Variants in KCNB2 observed in about 807,000 individuals in gnomAD.
KCNB2 encodes the protein potassium voltage-gated channel subfamily B member 2.
Under a neutral mutation model 61.5 loss-of-function variants are expected in KCNB2, and 15 were observed. That is an observed-to-expected ratio of 0.24 (90% CI 0.16 to 0.38). KCNB2 has a LOEUF of 0.38. Ranked by LOEUF, KCNB2 falls within the 10% of genes least tolerant of loss-of-function variation. The probability of loss-of-function intolerance (pLI) is 1.00; values close to 1 mark genes in which losing one functional copy is unlikely to be tolerated. For missense variants in KCNB2, 828 were observed against 1,125.2 expected, an observed-to-expected ratio of 0.74 and a Z score of 3.78; for synonymous variants, 457 against 446.0, an observed-to-expected ratio of 1.02 and a Z score of -0.31.
At chr8:72,753,396 C>T (rs1356260865) in intron 2 of KCNB2, among the ~76,000 whole-genome samples, 3 of 152,092 alleles carry the variant, frequency 2.0e-5, no homozygotes, top group Non-Finnish European at 4.4e-5. Context: ...TTATGCCTGG[C>T]AATATAGTAG....
chr8:72,859,537 CA>C (rs1352280507), intron 2 of KCNB2, among the ~76,000 whole-genome samples: 1 of 151,700 alleles, frequency 6.6e-6, no homozygotes, highest in Non-Finnish European at 1.5e-5. Context: ...TACACTTTCC[CA>C]ACCCTAAGCA....
Position 72,872,168 on chromosome 8 carries a change from G to A in KCNB2, c.580-63767G>A, listed in dbSNP as rs546242937. 1.2e-4 allele frequency among the ~76,000 whole-genome samples: 19 copies of A among 152,280 alleles called. No individual in the cohort carries two copies. In the East Asian group the frequency reaches 3.7e-3, roughly 29 times the overall value. On this transcript the variant is annotated intron_variant, in intron 2 of 2. Coordinates refer to ENST00000523207, the MANE Select transcript of KCNB2 (RefSeq NM_004770.3). ...GACCATTTGCTTGTTAAAATAGAGAGTGACTTTGGAGAATAAGCATGTGGT... is the reference window on the plus strand; with the variant it reads ...GACCATTTGCTTGTTAAAATAGAGAATGACTTTGGAGAATAAGCATGTGGT...
chr8:72,551,859 A>T (rs1039038941), intron 1 of KCNB2, among the ~76,000 whole-genome samples: 3 of 152,200 alleles, frequency 2.0e-5, no homozygotes, highest in Admixed American at 1.3e-4. Context: ...AACTCCATGC[A>T]CATAGCAGAT....
chr8:72,570,825 T>G (rs967118330), intron 2 of KCNB2, among the ~76,000 whole-genome samples: 2 of 152,208 alleles, frequency 1.3e-5, no homozygotes, highest in African/African-American at 4.8e-5. Context: ...TAAAGCAGAA[T>G]ATCTGTGGAC....
chr8:72,775,669 C>T lies in KCNB2; in HGVS notation c.580-160266C>T, dbSNP rs141797636. ...AGCACTTTGCCTCCTGACCCTCCCC[C>T]CTTCCAGCCTTCTATTATAAACAGG... is the stretch of plus-strand genomic sequence containing the variant. On this transcript the variant is annotated intron_variant, in intron 2 of 2. Transcript: ENST00000523207. Among the ~76,000 whole-genome samples, 11 of 152,158 alleles carry T rather than the reference C, an allele frequency of 7.2e-5. No homozygotes were observed. In the East Asian group the frequency reaches 1.5e-3, roughly 21 times the overall value.
At chr8:72,918,000 T>C (rs1806435702) in intron 2 of KCNB2, among the ~76,000 whole-genome samples, 1 of 152,152 alleles carries the variant, frequency 6.6e-6, no homozygotes, top group Non-Finnish European at 1.5e-5. Flanking sequence ...TAAATAAAAC[T>C]TGCCCCACAG....
At chr8:72,686,387 G>T (rs1395010013) in intron 2 of KCNB2, among the ~76,000 whole-genome samples, 2 of 151,890 alleles carry the variant, frequency 1.3e-5, no homozygotes, top group Admixed American at 6.5e-5. Context: ...TTGCTCTGTT[G>T]CCCAGGCTGG....
At chr8:72,538,144 A>G (rs768749532) in intron 1 of KCNB2, among the ~76,000 whole-genome samples, 2 of 152,130 alleles carry the variant, frequency 1.3e-5, no homozygotes, top group African/African-American at 4.8e-5. Flanking sequence ...TGTTATTTCT[A>G]GGAGCCGAGC....
chr8:72,741,634 T>C (rs1807961879), intron 2 of KCNB2, among the ~76,000 whole-genome samples: 1 of 152,080 alleles, frequency 6.6e-6, no homozygotes, highest in Non-Finnish European at 1.5e-5. Flanking sequence ...CATCCTCATA[T>C]CTTAGCTCCC....
intron 2 of KCNB2, among the ~76,000 whole-genome samples, chr8:72,824,660 G>C (rs900677030): frequency 6.6e-6 from 1 of 152,142 alleles, no homozygotes; most frequent in Non-Finnish European, 1.5e-5. Context: ...AAAGCAATGA[G>C]TCCGCCCTTC....
chr8:72,794,591 A>T (rs1372762431), intron 2 of KCNB2, among the ~76,000 whole-genome samples: 1 of 148,340 alleles, frequency 6.7e-6, no homozygotes, highest in African/African-American at 2.5e-5. Flanking sequence ...AAAAAAAGGC[A>T]TGGATGGTGA....
rs202152751 is a variant in KCNB2, at chr8:72,937,832, A to G, written c.2477A>G (p.Gln826Arg). The G allele has an allele frequency of 1.2e-6, 2 of 1,614,084 alleles. No homozygotes were observed. Among genetic ancestry groups the G allele is most frequent in the Admixed American group, 1.7e-5 (1 of 59,952 alleles). Residue 826 changes from glutamine (Q) to arginine (R), a missense_variant, in exon 3 of 3, where the codon CAG becomes CGG. Transcript: ENST00000523207. ...CTCCCAGGGGCAAGGGAGGAGAAGC[A>G]GGTGGACTCCAGCCCAAATTGCTTT... ...LELPGAREEK[Q>R]VDSSPNCFAD...
intron 2 of KCNB2, among the ~76,000 whole-genome samples, chr8:72,927,786 A>G (rs1806684297): frequency 6.6e-6 from 1 of 152,166 alleles, no homozygotes; most frequent in Non-Finnish European, 1.5e-5. Context: ...ACAAACCCCT[A>G]TGTGTCATGC....
At chr8:72,660,302 G>GC (rs1425286930) in intron 2 of KCNB2, among the ~76,000 whole-genome samples, 1 of 152,164 alleles carries the variant, frequency 6.6e-6, no homozygotes, top group Non-Finnish European at 1.5e-5. Context: ...CCCGGGAAGT[G>GC]CTTTGGAGTG....
At chr8:72,824,589 C>T (rs1809567377) in intron 2 of KCNB2, among the ~76,000 whole-genome samples, 2 of 152,180 alleles carry the variant, frequency 1.3e-5, no homozygotes, top group Admixed American at 6.5e-5. Context: ...TCATGTTCCT[C>T]ATCTCCCGAA....
At chr8:72,770,540 T>C (rs758788498) in intron 2 of KCNB2, among the ~76,000 whole-genome samples, 1 of 152,212 alleles carries the variant, frequency 6.6e-6, no homozygotes, top group Non-Finnish European at 1.5e-5. Context: ...TATTGGAGCA[T>C]GGTCATGCTA....
chr8:72,903,293 C>T (rs1806118623), intron 2 of KCNB2, among the ~76,000 whole-genome samples: 1 of 152,070 alleles, frequency 6.6e-6, no homozygotes, highest in Non-Finnish European at 1.5e-5. Context: ...CAGGTCTTTA[C>T]TGTGGGTGTT....
chr8:72,851,261 T>A (rs893343394), intron 2 of KCNB2, among the ~76,000 whole-genome samples: 9 of 7,662 alleles, frequency 1.2e-3, no homozygotes, highest in African/African-American at 2.3e-3. Flanking sequence ...TTCTGTGTGC[T>A]GAGCCTGAGG....
intron 2 of KCNB2, among the ~76,000 whole-genome samples, chr8:72,583,829 T>C (rs1806949250): frequency 6.6e-6 from 1 of 152,010 alleles, no homozygotes; most frequent in Non-Finnish European, 1.5e-5. Flanking sequence ...ATTTCATGTC[T>C]TTCATCTTAA....
Sources: gnomAD v4.1 joint callset for allele counts (sites outside exome capture counted in the v4.1 genomes callset) on GRCh38, gnomAD v4.1.1 for gene constraint, MANE v1.5 for transcripts, NCBI Gene and HGNC (gene_info 2026-07-23, HGNC 2026-07-21) for gene names.